Variants in CHST9 observed in about 807,000 individuals in gnomAD.
CHST9 encodes the protein carbohydrate sulfotransferase 9.
A neutral mutation model predicts 44.4 loss-of-function variants in CHST9; 41 were observed. The ratio of observed to expected loss-of-function variants is 0.92; its 90% CI spans 0.72 to 1.20. The LOEUF (loss-of-function observed/expected upper bound fraction) is 1.20. CHST9 is among the 50% of genes most tolerant of loss of function. The probability of loss-of-function intolerance (pLI) is 0.00; values close to 1 mark genes in which losing one functional copy is unlikely to be tolerated. For missense variants in CHST9, 504 were observed against 516.5 expected, an observed-to-expected ratio of 0.98 and a Z score of 0.23; for synonymous variants, 171 against 178.4, an observed-to-expected ratio of 0.96 and a Z score of 0.33.
At chr18:27,007,113 G>A (rs2057026334) in intron 4 of CHST9, among the ~76,000 whole-genome samples, 1 of 152,152 alleles carries the variant, frequency 6.6e-6, no homozygotes. Context: ...ACCCACTGAA[G>A]TGTGGATTCA....
chr18:26,949,278 T>C (rs2056210023), intron 4 of CHST9, among the ~76,000 whole-genome samples: 1 of 151,930 alleles, frequency 6.6e-6, no homozygotes, highest in Non-Finnish European at 1.5e-5. Flanking sequence ...ATGTGGGAAA[T>C]ACAGGAGCAA....
At chr18:27,068,806 G>A (rs901638708) in intron 2 of CHST9, among the ~76,000 whole-genome samples, 3 of 152,142 alleles carry the variant, frequency 2.0e-5, no homozygotes, top group African/African-American at 7.2e-5. Flanking sequence ...CACAAATGTG[G>A]TCATGATTTC....
intron 4 of CHST9, among the ~76,000 whole-genome samples, chr18:26,992,830 A>G (rs996805920): frequency 1.3e-5 from 2 of 152,252 alleles, no homozygotes; most frequent in African/African-American, 4.8e-5. Flanking sequence ...AAAAAGAACA[A>G]GAAGAGAAAT....
chr18:27,096,884 T>C (rs969121393), intron 2 of CHST9, among the ~76,000 whole-genome samples: 1 of 151,934 alleles, frequency 6.6e-6, no homozygotes, highest in Non-Finnish European at 1.5e-5. Context: ...ACTGAACCTA[T>C]TCCAAAAAAA....
intron 4 of CHST9, among the ~76,000 whole-genome samples, chr18:27,011,443 A>C (rs944420887): frequency 6.6e-5 from 10 of 152,270 alleles, no homozygotes; most frequent in African/African-American, 2.4e-4. Context: ...GGCCCCATGA[A>C]GAAAACTTTG....
chr18:27,001,067 G>A (rs909985145), intron 4 of CHST9, among the ~76,000 whole-genome samples: 2 of 152,146 alleles, frequency 1.3e-5, no homozygotes, highest in African/African-American at 4.8e-5. Flanking sequence ...ACCATCAGAA[G>A]GCACAGAGAT....
chr18:27,093,611 A>G (rs772176694), intron 2 of CHST9, among the ~76,000 whole-genome samples: 2 of 152,184 alleles, frequency 1.3e-5, no homozygotes, highest in Non-Finnish European at 2.9e-5. Flanking sequence ...AAAGCACAGT[A>G]TTTGGGCAAG....
intron 3 of CHST9, among the ~76,000 whole-genome samples, chr18:27,039,670 G>A (rs763877505): frequency 6.6e-6 from 1 of 151,996 alleles, no homozygotes; most frequent in Non-Finnish European, 1.5e-5. Context: ...AGTTTTATGT[G>A]TATTTTATAA....
chr18:27,055,621 T>C (rs182801960), intron 2 of CHST9, among the ~76,000 whole-genome samples: 3 of 152,206 alleles, frequency 2.0e-5, no homozygotes, highest in African/African-American at 7.2e-5. Flanking sequence ...ACAATAATAG[T>C]AAAAAAATGC....
At chr18:27,066,419 CTTAAG>C (rs2057783043) in intron 2 of CHST9, among the ~76,000 whole-genome samples, 1 of 152,148 alleles carries the variant, frequency 6.6e-6, no homozygotes, top group Admixed American at 6.5e-5. Flanking sequence ...ATTCACAACT[CTTAAG>C]TTATAGTAAA....
At chr18:26,966,521 T>C (rs1009327502) in intron 4 of CHST9, among the ~76,000 whole-genome samples, 2 of 152,236 alleles carry the variant, frequency 1.3e-5, no homozygotes, top group Non-Finnish European at 2.9e-5. Context: ...ATAGTACTTC[T>C]GGATTTAAAC....
chr18:27,074,120 T>C (rs1301237432), intron 2 of CHST9, among the ~76,000 whole-genome samples: 1 of 152,192 alleles, frequency 6.6e-6, no homozygotes, highest in Non-Finnish European at 1.5e-5. Flanking sequence ...ATATGACAAC[T>C]AGCTGTTTAC....
intron 2 of CHST9, among the ~76,000 whole-genome samples, chr18:27,077,663 T>C (rs1385971617): frequency 6.6e-6 from 1 of 152,184 alleles, no homozygotes; most frequent in African/African-American, 2.4e-5. Flanking sequence ...GAATTCTGTA[T>C]ATCTTTTTAT....
intron 2 of CHST9, among the ~76,000 whole-genome samples, chr18:27,116,009 T>A (rs1009222697): frequency 6.6e-6 from 1 of 152,224 alleles, no homozygotes; most frequent in Non-Finnish European, 1.5e-5. Flanking sequence ...TATTGAGTTG[T>A]AAGTGTTCCT....
chr18:27,055,025 G>A lies in CHST9; in HGVS notation c.122-6522C>T, dbSNP rs982162696. 7.2e-5 allele frequency among the ~76,000 whole-genome samples: 11 copies of A among 151,954 alleles called. No individual in the cohort carries two copies. In the South Asian group the frequency reaches 1.2e-3, roughly 17 times the overall value. On this transcript the variant is annotated intron_variant, in intron 2 of 5. Coordinates refer to ENST00000618847, the MANE Select transcript of CHST9 (RefSeq NM_031422.6). ...GGTATCTTATGAAACTTGCCTCACC[G>A]CACTACCAATTTCTCAGTAGCCAAT...
chr18:26,937,830 T>C (rs2056021090), intron 5 of CHST9, among the ~76,000 whole-genome samples: 1 of 152,186 alleles, frequency 6.6e-6, no homozygotes, highest in African/African-American at 2.4e-5. Flanking sequence ...CGACCATTAT[T>C]ATTACTAATG....
At chr18:27,151,508 T>C (rs1163575375) in intron 1 of CHST9, among the ~76,000 whole-genome samples, 1 of 152,136 alleles carries the variant, frequency 6.6e-6, no homozygotes, top group Non-Finnish European at 1.5e-5. Context: ...TGACATTACA[T>C]GGCAATGGAG....
intron 2 of CHST9, among the ~76,000 whole-genome samples, chr18:27,086,134 A>G (rs2058010000): frequency 6.6e-6 from 1 of 152,144 alleles, no homozygotes; most frequent in South Asian, 2.1e-4. Flanking sequence ...GGGTGAGAGG[A>G]GGGTAAGAGT....
chr18:26,939,971 A>G (rs1210183790), intron 5 of CHST9, among the ~76,000 whole-genome samples: 1 of 152,176 alleles, frequency 6.6e-6, no homozygotes, highest in Non-Finnish European at 1.5e-5. Context: ...GTAGAAGTAC[A>G]GTTACCTGGG....
Sources: allele counts gnomAD v4.1 joint callset (sites outside exome capture counted in the v4.1 genomes callset), GRCh38; gene constraint gnomAD v4.1.1; transcripts MANE v1.5; gene names NCBI Gene and HGNC (gene_info 2026-07-23, HGNC 2026-07-21).